The following TENM2 variants were observed in gnomAD, a reference collection of about 807,000 sequenced individuals.
TENM2 encodes teneurin transmembrane protein 2.
A neutral mutation model predicts 245.2 loss-of-function variants in TENM2; 52 were observed. The ratio of observed to expected loss-of-function variants is 0.21; its 90% CI spans 0.17 to 0.27. The LOEUF is 0.27. Ranked by LOEUF, TENM2 falls within the 10% of genes least tolerant of loss-of-function variation. The pLI, the probability that TENM2 is intolerant of heterozygous loss-of-function variation, is 1.00. For missense variants in TENM2, 3,046 were observed against 3,666.8 expected, an observed-to-expected ratio of 0.83 and a Z score of 4.37; for synonymous variants, 1,363 against 1,438.9, an observed-to-expected ratio of 0.95 and a Z score of 1.19.
At chr5:167,282,301 T>C (rs182773500), upstream of TENM2, among the ~76,000 whole-genome samples, 2 of 152,308 alleles carry the variant, frequency 1.3e-5, no homozygotes, top group African/African-American at 4.8e-5. Flanking sequence ...TTATATTCTT[T>C]CAGTAGATGC....
intron 2 of TENM2, among the ~76,000 whole-genome samples, chr5:167,747,318 G>A: frequency 6.6e-6 from 1 of 151,972 alleles, no homozygotes; most frequent in Non-Finnish European, 1.5e-5. Context: ...CTTCCTTCTG[G>A]GTCTTCTTAA....
intron 5 of TENM2, among the ~76,000 whole-genome samples, chr5:168,018,228 TAA>T (rs1181834049): frequency 5.3e-5 from 8 of 152,206 alleles, no homozygotes; most frequent in Non-Finnish European, 8.8e-5. Flanking sequence ...CTCTCCACAT[TAA>T]GTCTGATTTT....
At chr5:167,203,761 A>G in the TENM2 span, among the ~76,000 whole-genome samples, 1,050 of 151,972 alleles carry the variant, frequency 6.9e-3, 11 homozygotes, top group African/African-American at 0.023. Context: ...ATCTATTTTC[A>G]AATTTTTTTT....
chr5:167,530,684 A>G (rs1771428592), intron 2 of TENM2, among the ~76,000 whole-genome samples: 1 of 152,164 alleles, frequency 6.6e-6, no homozygotes. Context: ...AGTCAGGTGG[A>G]GCCCTGTGCT....
chr5:167,747,158 A>G (rs980040776), intron 2 of TENM2, among the ~76,000 whole-genome samples: 1 of 152,144 alleles, frequency 6.6e-6, no homozygotes, highest in African/African-American at 2.4e-5. Flanking sequence ...AACAAAACGA[A>G]AAACCCAGAG....
chr5:167,753,704 C>T (rs1257087865), intron 2 of TENM2, among the ~76,000 whole-genome samples: 1 of 152,134 alleles, frequency 6.6e-6, no homozygotes, highest in Non-Finnish European at 1.5e-5. Context: ...AATGTCCTAT[C>T]GTCAATTTGG....
the TENM2 span, among the ~76,000 whole-genome samples, chr5:167,195,391 A>G: frequency 2.0e-5 from 3 of 152,086 alleles, no homozygotes; most frequent in Non-Finnish European, 2.9e-5. Flanking sequence ...AGCACATACT[A>G]TAAGTCAGAA....
chr5:167,100,739 T>G, the TENM2 span, among the ~76,000 whole-genome samples: 5 of 152,152 alleles, frequency 3.3e-5, no homozygotes, highest in African/African-American at 9.7e-5. Flanking sequence ...AGAGTTTTCC[T>G]TTAAAATTAT....
At chr5:167,378,520 G>A (rs1581886474) in intron 2 of TENM2, among the ~76,000 whole-genome samples, 1 of 151,830 alleles carries the variant, frequency 6.6e-6, no homozygotes, top group East Asian at 1.9e-4. Context: ...ATCTTTTCAG[G>A]TTCTTTAATC....
rs1405601663 is a variant in TENM2 at position 167,398,365 on chromosome 5, CCTTTCTTTCTTCCTTT to C, written c.502+22904_502+22919del. Among the ~76,000 whole-genome samples the C allele has an allele frequency of 5.2e-3, 742 of 143,956 alleles. 6 individuals are homozygous for C. The highest frequency in any genetic ancestry group is 0.018 in the African/African-American group (703 of 38,030). The allele number at this position is 143,956 out of a possible 152,430, so 94.4% of individuals were successfully genotyped here. On this transcript the variant is annotated intron_variant, in intron 2 of 28. Transcript: ENST00000518659. The stretch of plus-strand genomic sequence containing the variant: ...TCTTTCTTTCCTTCTTTCTTTCTTT[CCTTTCTTTCTTCCTTT>C]CTTTCTTTCTTTCTTTCTTTCTTTC...
rs1020645845 is a variant in TENM2, at chr5:167,816,904, C to T, written c.503-59082C>T. ...TTAGTATGTACCATGGAAGTACATA[C>T]TAAATAAGGGAAAAATAAGAGAAAT... On this transcript the variant is annotated intron_variant, in intron 2 of 28. Transcript: ENST00000518659. Among the ~76,000 whole-genome samples the T allele has an allele frequency of 2.0e-5, 3 of 151,936 alleles. No homozygotes were observed. The East Asian group carries it at 5.8e-4, about 29-fold the overall frequency.
intron 2 of TENM2, among the ~76,000 whole-genome samples, chr5:167,693,948 A>G (rs913620272): frequency 1.3e-5 from 2 of 152,214 alleles, no homozygotes; most frequent in Non-Finnish European, 2.9e-5. Flanking sequence ...CAGCACAATC[A>G]TTCCTTTTAA....
At chr5:167,952,804 A>T in exon 4 of TENM2, 1 of 1,559,064 alleles carries the variant, frequency 6.4e-7, no homozygotes, top group Non-Finnish European at 8.7e-7. Flanking sequence ...CTAAACAGCA[A>T]CGTGCCACTG....
the TENM2 span, among the ~76,000 whole-genome samples, chr5:167,072,947 A>C: frequency 2.0e-5 from 3 of 152,186 alleles, no homozygotes; most frequent in Non-Finnish European, 4.4e-5. Flanking sequence ...TTGTAGTATA[A>C]ACTGCATCAT....
At chr5:167,136,035 A>G in the TENM2 span, among the ~76,000 whole-genome samples, 1 of 152,212 alleles carries the variant, frequency 6.6e-6, no homozygotes, top group Non-Finnish European at 1.5e-5. Context: ...TATTACACAA[A>G]TATGTACAAT....
At chr5:167,510,839 A>G (rs943807599) in intron 2 of TENM2, among the ~76,000 whole-genome samples, 1 of 152,136 alleles carries the variant, frequency 6.6e-6, no homozygotes, top group African/African-American at 2.4e-5. Flanking sequence ...ATGATGTGCA[A>G]AATCTTCAGT....
intron 5 of TENM2, among the ~76,000 whole-genome samples, chr5:168,046,618 G>A (rs1201669839): frequency 6.6e-6 from 1 of 152,100 alleles, no homozygotes; most frequent in Non-Finnish European, 1.5e-5. Context: ...GGAGGCCTGG[G>A]GTGCCCATGG....
the TENM2 span, among the ~76,000 whole-genome samples, chr5:167,268,059 A>G: frequency 6.6e-6 from 1 of 152,122 alleles, no homozygotes; most frequent in African/African-American, 2.4e-5. Context: ...ATTCTTCTGG[A>G]ACTTAAAACT....
chr5:167,607,680 G>A (rs1368256898), intron 2 of TENM2, among the ~76,000 whole-genome samples: 1 of 152,138 alleles, frequency 6.6e-6, no homozygotes. Flanking sequence ...TTACTGAATT[G>A]TCTTGCATTT....
Sources: allele counts gnomAD v4.1 joint callset (sites outside exome capture counted in the v4.1 genomes callset), GRCh38; gene constraint gnomAD v4.1.1; transcripts MANE v1.5; gene names NCBI Gene and HGNC (gene_info 2026-07-23, HGNC 2026-07-21).